The following PTPRE variants were observed in gnomAD, a reference collection of about 807,000 sequenced individuals.
PTPRE encodes the protein protein tyrosine phosphatase receptor type E.
A neutral mutation model predicts 102.0 loss-of-function variants in PTPRE; 51 were observed. The ratio of observed to expected loss-of-function variants is 0.50; its 90% confidence interval spans 0.40 to 0.63. The LOEUF is 0.63. Among genes scored for constraint, PTPRE ranks in the 30% least tolerant of loss-of-function variants. The pLI is 0.00. For missense variants in PTPRE, 752 were observed against 915.1 expected (o/e 0.82, Z 2.30); for synonymous variants, 345 against 348.2 (o/e 0.99, Z 0.10).
intron 2 of PTPRE, among the ~76,000 whole-genome samples, chr10:128,024,373 A>T (rs1846141615): frequency 6.6e-6 from 1 of 152,206 alleles, no homozygotes; most frequent in Non-Finnish European, 1.5e-5. Flanking sequence ...GATTAAATGA[A>T]TTCAAGTATG....
At position 127,947,426 on chromosome 10, in the gene PTPRE, C is replaced by G. The variant is rs920719831; in HGVS notation, c.-30-34848C>G. Among the ~76,000 whole-genome samples, 3 of 151,600 alleles carry G rather than the reference C, an allele frequency of 2.0e-5. No homozygotes were observed. In the South Asian group the frequency reaches 6.3e-4, roughly 32 times the overall value. ...GTGTTGCCACACCCTGAGGCCCATT[C>G]TCCCCTATGCTGTGTGTTAGAAGTC... On this transcript the variant is annotated intron_variant, in intron 1 of 20. Transcript: ENST00000254667.
At chr10:128,019,130 C>T (rs370460837) in intron 2 of PTPRE, among the ~76,000 whole-genome samples, 9 of 152,348 alleles carry the variant, frequency 5.9e-5, no homozygotes, top group East Asian at 3.9e-4. Flanking sequence ...CTCTCCCCTC[C>T]CAGCCCCAGA....
chr10:127,961,760 G>A, intron 1 of PTPRE, among the ~76,000 whole-genome samples: 1 of 152,108 alleles, frequency 6.6e-6, no homozygotes, highest in East Asian at 1.9e-4. Flanking sequence ...TTTGTACCTT[G>A]GTGTATTTAT....
At chr10:128,061,373 C>G in intron 8 of PTPRE, among the ~76,000 whole-genome samples, 1 of 152,054 alleles carries the variant, frequency 6.6e-6, no homozygotes, top group East Asian at 1.9e-4. Context: ...TATAAAATTC[C>G]CATTAAAAAT....
intron 17 of PTPRE, among the ~76,000 whole-genome samples, chr10:128,076,216 G>T (rs1441622056): frequency 1.3e-5 from 2 of 152,238 alleles, no homozygotes; most frequent in East Asian, 3.9e-4. Context: ...AAGGTTCAAG[G>T]CCATGACACG....
At chr10:128,073,254 T>C (rs953858479) in intron 16 of PTPRE, 83 bp from the exon 17 acceptor site, 1 of 1,570,436 alleles carries the variant, frequency 6.4e-7, no homozygotes, top group African/African-American at 1.3e-5. Flanking sequence ...CATTAGGCCT[T>C]AGGCTGTCCT....
Position 128,063,159 on chromosome 10 carries a change from A to C in PTPRE, c.702A>C (p.Thr234=), listed in dbSNP as rs1231757852. The change falls in exon 10 of 21, where the codon ACA becomes ACC. Residue 234 remains threonine, a synonymous_variant. Transcript: ENST00000254667. ...EQKSATIVML[T]NLKERKEEKC... ...AGTCTGCGACCATCGTCATGTTAAC[A>C]AACTTGAAAGAAAGGAAAGAGGTGA... is the stretch of plus-strand genomic sequence containing the variant. The C allele has an allele frequency of 6.2e-7, 1 of 1,614,230 alleles. No homozygotes were observed. Among genetic ancestry groups the C allele is most frequent in the East Asian group, 2.2e-5 (1 of 44,886 alleles).
rs1589701482 is a variant in PTPRE at position 127,907,756 on chromosome 10, G to C, written c.-31+447G>C. Among the ~76,000 whole-genome samples the C allele has an allele frequency of 6.6e-6, 1 of 152,164 alleles. No homozygotes were observed. Among genetic ancestry groups the C allele is most frequent in the Non-Finnish European group, 1.5e-5 (1 of 68,020 alleles). On this transcript the variant is annotated intron_variant, in intron 1 of 20. Transcript: ENST00000254667. This position sits in a 1 kb window ranked among gnomAD's most constrained non-coding sequence, Gnocchi z 4.8. Reference sequence around the variant, plus strand: ...GGAGCCTTTGAAGAAAGTGGCTCGAGTTGTGCCAACTCTGGGAGGGGCCGG... The same window carrying C: ...GGAGCCTTTGAAGAAAGTGGCTCGACTTGTGCCAACTCTGGGAGGGGCCGG...
At chr10:127,977,944 C>T (rs1350650549) in intron 1 of PTPRE, among the ~76,000 whole-genome samples, 3 of 152,182 alleles carry the variant, frequency 2.0e-5, no homozygotes, top group Non-Finnish European at 4.4e-5. Flanking sequence ...CCAGCCAAAG[C>T]TCCAGCCAAA....
chr10:127,947,929 C>A (rs1028302863), intron 1 of PTPRE, among the ~76,000 whole-genome samples: 5 of 152,178 alleles, frequency 3.3e-5, no homozygotes, highest in Admixed American at 3.3e-4. Context: ...AGGGGTTGAG[C>A]CAACCCCCCA....
At chr10:128,050,842 G>T (rs1848512957) in intron 6 of PTPRE, among the ~76,000 whole-genome samples, 2 of 152,234 alleles carry the variant, frequency 1.3e-5, no homozygotes, top group African/African-American at 4.8e-5. Flanking sequence ...TATATCTGAA[G>T]ATGGCATGAA....
chr10:128,063,860 C>A (rs1317315940), intron 10 of PTPRE, among the ~76,000 whole-genome samples: 2 of 152,090 alleles, frequency 1.3e-5, no homozygotes, highest in East Asian at 3.9e-4. Flanking sequence ...GAGTGACAGG[C>A]AGGGAGCCAT....
Position 127,907,891 on chromosome 10 carries a change from C to A in PTPRE, c.-31+582C>A, listed in dbSNP as rs1218926459. On this transcript the variant is annotated intron_variant, in intron 1 of 20. Coordinates refer to ENST00000254667, the MANE Select transcript of PTPRE (RefSeq NM_006504.6). This position sits in a 1 kb window ranked among gnomAD's most constrained non-coding sequence, Gnocchi z 4.8. The stretch of plus-strand genomic sequence containing the variant: ...GGGGGTCGGAGATGCGGCAGGGAGA[C>A]CCTGGCAGGTGGTCCAGGCTGGACT... Among the ~76,000 whole-genome samples, 2 of 152,178 alleles carry A rather than the reference C, an allele frequency of 1.3e-5. No homozygotes were observed. The highest frequency in any genetic ancestry group is 2.9e-5 in the Non-Finnish European group (2 of 68,022).
chr10:128,026,803 A>G (rs980864149), intron 2 of PTPRE, among the ~76,000 whole-genome samples: 1 of 152,276 alleles, frequency 6.6e-6, no homozygotes, highest in African/African-American at 2.4e-5. Context: ...CACCGTGGCT[A>G]CATCTGAAAC....
At chr10:127,961,901 G>A (rs573665817) in intron 1 of PTPRE, among the ~76,000 whole-genome samples, 19 of 152,180 alleles carry the variant, frequency 1.2e-4, no homozygotes, top group Non-Finnish European at 2.6e-4. Context: ...GAATGAATGA[G>A]TGGATAGATG....
intron 3 of PTPRE, among the ~76,000 whole-genome samples, chr10:128,044,587 T>C (rs6482652): frequency 1.3e-3 from 199 of 151,314 alleles, no homozygotes; most frequent in African/African-American, 4.7e-3. Context: ...TGCAAGTGTA[T>C]GTATGTATAA....
At chr10:128,024,473 G>A (rs1000533630) in intron 2 of PTPRE, among the ~76,000 whole-genome samples, 4 of 152,222 alleles carry the variant, frequency 2.6e-5, no homozygotes, top group African/African-American at 9.6e-5. Context: ...AATCCAGATA[G>A]ACTTAATTCT....
chr10:127,932,028 G>A (rs1262587580), intron 1 of PTPRE, among the ~76,000 whole-genome samples: 2 of 152,002 alleles, frequency 1.3e-5, no homozygotes, highest in Non-Finnish European at 2.9e-5. Context: ...CGTCTTCAAT[G>A]GTTAACGTTT....
intron 2 of PTPRE, among the ~76,000 whole-genome samples, chr10:128,007,848 C>T (rs1195461062): frequency 2.0e-5 from 3 of 152,178 alleles, no homozygotes; most frequent in South Asian, 2.1e-4. Flanking sequence ...GATCAGCATC[C>T]GCATCTTGAC....
Sources: gnomAD v4.1 joint callset for allele counts (sites outside exome capture counted in the v4.1 genomes callset) on GRCh38, gnomAD v4.1.1 for gene constraint, Gnocchi (gnomAD v3.1) non-coding constraint, MANE v1.5 for transcripts, NCBI Gene and HGNC (gene_info 2026-07-23, HGNC 2026-07-21) for gene names.